Variants in SLC38A12 observed in about 807,000 individuals in gnomAD.
SLC38A12 encodes the protein putative sodium-coupled neutral amino acid transporter 12.
chr17:74,796,036 G>T, the SLC38A12 span, among the ~76,000 whole-genome samples: 1 of 152,134 alleles, frequency 6.6e-6, no homozygotes, highest in Non-Finnish European at 1.5e-5. Flanking sequence ...TTCGATGCTG[G>T]GTCTGGCCGT....
chr17:74,815,788 C>A, the SLC38A12 span, among the ~76,000 whole-genome samples: 1 of 152,198 alleles, frequency 6.6e-6, no homozygotes, highest in East Asian at 1.9e-4. Context: ...TTCTCCCATT[C>A]CATGGCTGGG....
At chr17:74,836,085 G>A in the SLC38A12 span, 105 of 1,613,570 alleles carry the variant, frequency 6.5e-5, no homozygotes, top group Non-Finnish European at 8.6e-5. This position sits in a 1 kb window ranked among gnomAD's most constrained non-coding sequence, Gnocchi z 4.2. Flanking sequence ...CATTACCCCC[G>A]TCTCCTCCAA....
the SLC38A12 span, among the ~76,000 whole-genome samples, chr17:74,783,920 G>T: frequency 2.0e-5 from 3 of 151,396 alleles, no homozygotes; most frequent in Admixed American, 6.6e-5. Flanking sequence ...GTAGAGACAG[G>T]GTTTCACCAT....
At chr17:74,801,386 G>A in the SLC38A12 span, among the ~76,000 whole-genome samples, 25 of 152,322 alleles carry the variant, frequency 1.6e-4, no homozygotes, top group African/African-American at 4.6e-4. Context: ...GTGAGGCTTC[G>A]AGGTGTCTTC....
the SLC38A12 span, chr17:74,795,062 C>G: frequency 1.2e-6 from 2 of 1,614,022 alleles, no homozygotes; most frequent in Non-Finnish European, 1.7e-6. Context: ...GTATGGAGAC[C>G]TCGCCATCTA....
At chr17:74,778,590 A>G in the SLC38A12 span, among the ~76,000 whole-genome samples, 3 of 151,076 alleles carry the variant, frequency 2.0e-5, no homozygotes, top group South Asian at 2.1e-4. Flanking sequence ...ATGTGTGGCA[A>G]TAAAGGAGCC....
the SLC38A12 span, chr17:74,795,214 T>C: frequency 5.1e-6 from 5 of 972,486 alleles, no homozygotes; most frequent in Non-Finnish European, 8.1e-6. Flanking sequence ...AGTGAGTTCA[T>C]TGCATCTAGG....
chr17:74,800,956 G>A, the SLC38A12 span, among the ~76,000 whole-genome samples: 3 of 152,220 alleles, frequency 2.0e-5, no homozygotes, highest in Non-Finnish European at 4.4e-5. Context: ...TGTCAAGAGT[G>A]TCCCTTCCTG....
the SLC38A12 span, among the ~76,000 whole-genome samples, chr17:74,783,704 A>C: frequency 8.0e-6 from 1 of 125,128 alleles, no homozygotes; most frequent in East Asian, 2.4e-4. Flanking sequence ...GGCAATCTCT[A>C]TTTCTTCATG....
chr17:74,835,555 C>A, the SLC38A12 span, among the ~76,000 whole-genome samples: 1 of 152,168 alleles, frequency 6.6e-6, no homozygotes, highest in East Asian at 1.9e-4. Context: ...GCTGGCAGAG[C>A]CCCTGAGAGC....
the SLC38A12 span, chr17:74,835,876 GGTAGGGCC>G: frequency 6.5e-7 from 1 of 1,542,912 alleles, no homozygotes; most frequent in Non-Finnish European, 8.7e-7. Flanking sequence ...AGAAACTCAA[GGTAGGGCC>G]GTGCCTGTCC....
chr17:74,787,661 G>T, the SLC38A12 span, among the ~76,000 whole-genome samples: 1 of 151,510 alleles, frequency 6.6e-6, no homozygotes, highest in Non-Finnish European at 1.5e-5. Context: ...GGAGATGAAT[G>T]TTCGTCCCAT....
At chr17:74,795,355 G>A in the SLC38A12 span, among the ~76,000 whole-genome samples, 1 of 152,206 alleles carries the variant, frequency 6.6e-6, no homozygotes, top group Non-Finnish European at 1.5e-5. Context: ...TTGGGAAATG[G>A]TGCTGCAGGA....
At chr17:74,819,061 C>T in the SLC38A12 span, among the ~76,000 whole-genome samples, 237 of 152,364 alleles carry the variant, frequency 1.6e-3, 1 homozygote, top group Non-Finnish European at 2.4e-3. Flanking sequence ...ACCCGCTTCT[C>T]TGCCTGGGTC....
chr17:74,779,944 G>A, the SLC38A12 span, among the ~76,000 whole-genome samples: 3 of 152,244 alleles, frequency 2.0e-5, no homozygotes, highest in Non-Finnish European at 2.9e-5. Context: ...TGCTGAACAC[G>A]GGAACGTGGT....
At chr17:74,783,009 T>G in the SLC38A12 span, among the ~76,000 whole-genome samples, 1 of 152,184 alleles carries the variant, frequency 6.6e-6, no homozygotes, top group South Asian at 2.1e-4. Context: ...TGGGTGCCTG[T>G]AATCCCAGCT....
the SLC38A12 span, chr17:74,790,371 T>A: frequency 1.5e-6 from 2 of 1,329,280 alleles, no homozygotes; most frequent in Non-Finnish European, 1.1e-6. Flanking sequence ...GAGAGGGCCC[T>A]GGAGAGGCTC....
chr17:74,838,792 G>A, the SLC38A12 span: 1 of 1,493,266 alleles, frequency 6.7e-7, no homozygotes, highest in Non-Finnish European at 8.9e-7. Flanking sequence ...AGCCCCAGGT[G>A]ATGCTGGCTC....
the SLC38A12 span, chr17:74,837,144 T>C: frequency 6.1e-6 from 6 of 987,980 alleles, no homozygotes. Flanking sequence ...TGCTGCCTCT[T>C]CAGAGGCGAA....
Sources: allele counts gnomAD v4.1 joint callset (sites outside exome capture counted in the v4.1 genomes callset), GRCh38; gene constraint gnomAD v4.1.1; non-coding constraint Gnocchi (gnomAD v3.1); transcripts MANE v1.5; gene names NCBI Gene and HGNC (gene_info 2026-07-23, HGNC 2026-07-21).